The following NRG3 variants were observed in gnomAD, a reference collection of about 807,000 sequenced individuals.
NRG3 encodes the protein pro-neuregulin-3, membrane-bound isoform.
In NRG3, 31 loss-of-function variants were observed where a neutral mutation model predicts 66.9. The ratio of observed to expected loss-of-function variants is 0.46; its 90% CI spans 0.35 to 0.63. The LOEUF is 0.63. Ranked by LOEUF, NRG3 falls within the 20% of genes least tolerant of loss-of-function variation. The probability of loss-of-function intolerance (pLI) is 0.00; values close to 1 mark genes in which losing one functional copy is unlikely to be tolerated. For missense variants in NRG3, 910 were observed against 878.9 expected (o/e 1.04, Z -0.45); for synonymous variants, 393 against 359.4 (o/e 1.09, Z -1.06).
At chr10:82,933,936 GGT>G (rs2132190512) in intron 4 of NRG3, among the ~76,000 whole-genome samples, 1 of 152,206 alleles carries the variant, frequency 6.6e-6, no homozygotes, top group Admixed American at 6.6e-5. Context: ...AAAAGATAAT[GGT>G]CTTGAGTATG....
At chr10:82,577,622 A>G (rs965713254) in intron 2 of NRG3, among the ~76,000 whole-genome samples, 2 of 151,720 alleles carry the variant, frequency 1.3e-5, no homozygotes, top group Non-Finnish European at 3.0e-5. Flanking sequence ...GCACTAGCTT[A>G]AAAAAATCTT....
intron 3 of NRG3, among the ~76,000 whole-genome samples, chr10:82,821,178 A>T (rs1305530522): frequency 6.6e-6 from 1 of 152,218 alleles, no homozygotes; most frequent in South Asian, 2.1e-4. Context: ...ACCTAGAGCC[A>T]CACAGCTGAG....
At chr10:82,348,071 A>G (rs1358338622) in intron 1 of NRG3, among the ~76,000 whole-genome samples, 2 of 151,636 alleles carry the variant, frequency 1.3e-5, no homozygotes, top group East Asian at 3.9e-4. Flanking sequence ...ATTTACATTT[A>G]AAGTTAATAT....
At chr10:82,620,117 C>G (rs1466311062) in intron 2 of NRG3, among the ~76,000 whole-genome samples, 1 of 152,128 alleles carries the variant, frequency 6.6e-6, no homozygotes, top group Admixed American at 6.5e-5. Flanking sequence ...GGTGGGGGTG[C>G]CTGCGGCCCC....
At chr10:82,867,685 A>T (rs1035817723) in intron 4 of NRG3, among the ~76,000 whole-genome samples, 10 of 152,206 alleles carry the variant, frequency 6.6e-5, no homozygotes, top group African/African-American at 2.4e-4. Context: ...ATAAAGAGTC[A>T]AAGAAGAGAT....
intron 1 of NRG3, among the ~76,000 whole-genome samples, chr10:82,325,769 TAAG>T (rs1284181103): frequency 6.6e-6 from 1 of 152,198 alleles, no homozygotes; most frequent in African/African-American, 2.4e-5. Context: ...ATGTGTATTA[TAAG>T]AACTCTGCAT....
chr10:82,277,105 A>G (rs2078891777), intron 1 of NRG3, among the ~76,000 whole-genome samples: 1 of 152,046 alleles, frequency 6.6e-6, no homozygotes, highest in Non-Finnish European at 1.5e-5. Flanking sequence ...CTTTCATGTC[A>G]GGCTGCTTCT....
intron 1 of NRG3, among the ~76,000 whole-genome samples, chr10:82,306,446 G>GT (rs1241248276): frequency 6.6e-6 from 1 of 151,448 alleles, no homozygotes; most frequent in East Asian, 2.0e-4. Context: ...GCTCACGCCT[G>GT]TAATTCCAGC....
At chr10:82,184,130 C>T (rs1398358158) in intron 1 of NRG3, among the ~76,000 whole-genome samples, 1 of 152,014 alleles carries the variant, frequency 6.6e-6, no homozygotes, top group South Asian at 2.1e-4. Flanking sequence ...TGCAGAGAAC[C>T]TTATAGGAAA....
chr10:82,428,517 C>T lies in NRG3; in HGVS notation c.953+69649C>T, dbSNP rs527595781. 1.1e-3 allele frequency among the ~76,000 whole-genome samples: 172 copies of T among 151,798 alleles called. 1 individual carries two copies. Among genetic ancestry groups the T allele is most frequent in the African/African-American group, 3.8e-3 (157 of 41,460 alleles). ...TTTACTTACATATATTTGTGAATTT[C>T]CTAAATGTCCTTTAGTTAATGATTT... is the stretch of plus-strand genomic sequence containing the variant. On this transcript the variant is annotated intron_variant, in intron 2 of 8. Coordinates refer to ENST00000372141, the MANE Select transcript of NRG3 (RefSeq NM_001010848.4).
At chr10:82,326,638 C>T (rs1164826561) in intron 1 of NRG3, among the ~76,000 whole-genome samples, 2 of 152,098 alleles carry the variant, frequency 1.3e-5, no homozygotes, top group African/African-American at 4.8e-5. Flanking sequence ...CCCAAGACCC[C>T]TACCATTTCT....
intron 1 of NRG3, among the ~76,000 whole-genome samples, chr10:81,961,971 A>G (rs1197737457): frequency 6.6e-6 from 1 of 152,216 alleles, no homozygotes; most frequent in Non-Finnish European, 1.5e-5. Flanking sequence ...ATGAATCATC[A>G]CCTGGAACTA....
At chr10:82,193,466 C>G (rs1320696517) in intron 1 of NRG3, among the ~76,000 whole-genome samples, 3 of 151,524 alleles carry the variant, frequency 2.0e-5, no homozygotes, top group African/African-American at 4.9e-5. Context: ...TATAAAAAGT[C>G]TATTCTGACT....
chr10:81,968,027 A>G (rs74143891), intron 1 of NRG3, among the ~76,000 whole-genome samples: 2,039 of 152,328 alleles, frequency 0.013, 46 homozygotes, highest in African/African-American at 0.047. Context: ...ATTGCCTGGC[A>G]ACATCAACCT....
rs184206307 is a variant in NRG3, at chr10:81,960,286, G to A, written c.823+84123G>A. On this transcript the variant is annotated intron_variant, in intron 1 of 8. Transcript: ENST00000372141. ...AATTTATTTATGTAATTGCATAGAT[G>A]ACTATAACTTCAAATTCTCATGGCT... is the stretch of plus-strand genomic sequence containing the variant. 5.9e-5 allele frequency among the ~76,000 whole-genome samples: 9 copies of A among 152,270 alleles called. No homozygotes were observed. The East Asian group carries it at 1.7e-3, about 29-fold the overall frequency.
intron 3 of NRG3, among the ~76,000 whole-genome samples, chr10:82,838,034 T>A (rs1163792217): frequency 1.3e-5 from 2 of 152,272 alleles, no homozygotes; most frequent in South Asian, 4.1e-4. Flanking sequence ...GATGCTTAAT[T>A]TGAAAGAGTT....
chr10:82,681,725 T>C (rs1432371523), intron 2 of NRG3, among the ~76,000 whole-genome samples: 1 of 152,236 alleles, frequency 6.6e-6, no homozygotes, highest in African/African-American at 2.4e-5. Context: ...TATTAACTAA[T>C]GTGATCTGAG....
intron 2 of NRG3, among the ~76,000 whole-genome samples, chr10:82,469,121 T>G (rs1840981142): frequency 6.6e-6 from 1 of 152,198 alleles, no homozygotes; most frequent in Non-Finnish European, 1.5e-5. Context: ...CTTGGCCTGT[T>G]GAGTTCTTTT....
intron 2 of NRG3, among the ~76,000 whole-genome samples, chr10:82,554,266 C>T (rs554793152): frequency 2.8e-4 from 43 of 151,534 alleles, no homozygotes; most frequent in Middle Eastern, 3.4e-3. Flanking sequence ...TTTCAAAATA[C>T]GTAGGAAAGA....
Sources: gnomAD v4.1 joint callset for allele counts (sites outside exome capture counted in the v4.1 genomes callset) on GRCh38, gnomAD v4.1.1 for gene constraint, MANE v1.5 for transcripts, NCBI Gene and HGNC (gene_info 2026-07-23, HGNC 2026-07-21) for gene names.